The following ANKRD10 variants were observed in gnomAD, a reference collection of about 807,000 sequenced individuals.
The protein encoded by ANKRD10 is ankyrin repeat domain 10.
Under a neutral mutation model 27.0 loss-of-function variants are expected in ANKRD10, and 14 were observed. The ratio of observed to expected loss-of-function variants is 0.52; its 90% confidence interval spans 0.34 to 0.81. The LOEUF (loss-of-function observed/expected upper bound fraction) is 0.81, where lower values mean the gene tolerates loss of function less well. Ranked by LOEUF, ANKRD10 falls within the 40% of genes least tolerant of loss-of-function variation. ANKRD10 has a pLI of 0.01. For missense variants in ANKRD10, 493 were observed against 544.0 expected (o/e 0.91, Z 0.93); for synonymous variants, 250 against 224.5 (o/e 1.11, Z -1.01).
In ANKRD10 at chr13:110,880,128, C is replaced by T. The variant is rs372094765; in HGVS notation, c.788-16G>A. 2.1e-5 allele frequency: 33 copies of T among 1,593,894 alleles called. No homozygotes were observed. In the African/African-American group the frequency reaches 3.9e-4, roughly 19 times the overall value. ...TTTTTCATATCTGCATTAAGAAATA[C>T]ACCTGTCACCAAAATTCAGAACCAA... is the stretch of plus-strand genomic sequence containing the variant. On this transcript the variant is annotated splice_polypyrimidine_tract_variant and intron_variant, in intron 5 of 5. Transcript: ENST00000267339.
chr13:110,908,707 C>A (rs2065606832), intron 2 of ANKRD10, among the ~76,000 whole-genome samples: 1 of 152,170 alleles, frequency 6.6e-6, no homozygotes, highest in African/African-American at 2.4e-5. Flanking sequence ...ATTGTGTCCT[C>A]TAGAGTCACT....
chr13:110,893,468 AAACT>A (rs1415681525), intron 3 of ANKRD10, among the ~76,000 whole-genome samples: 1 of 152,228 alleles, frequency 6.6e-6, no homozygotes, highest in Non-Finnish European at 1.5e-5. Context: ...TTTGGGAGAT[AAACT>A]AAATATGCTA....
At chr13:110,907,978 A>G (rs2138884308) in intron 2 of ANKRD10, among the ~76,000 whole-genome samples, 1 of 152,312 alleles carries the variant, frequency 6.6e-6, no homozygotes, top group Admixed American at 6.5e-5. Flanking sequence ...AAGCAAAACT[A>G]CCAAGCTCTG....
chr13:110,914,586 C>T, intron 1 of ANKRD10, 139 bp downstream of exon 1: 4 of 1,316,488 alleles, frequency 3.0e-6, no homozygotes, highest in Admixed American at 3.1e-5. Flanking sequence ...GCCCTAGGCC[C>T]CTCGGGGCAC....
In ANKRD10 at chr13:110,879,902, T is replaced by TCGAG; in HGVS notation, c.997_998insCTCG (p.Glu333AlafsTer10). On this transcript the variant is annotated frameshift_variant, in exon 6 of 6. Transcript: ENST00000267339. LOFTEE classifies it low-confidence loss of function (END_TRUNC). The stretch of plus-strand genomic sequence containing the variant: ...GTTAGCTCTCAGGGTCTTCTCTGGC[T>TCGAG]CCTCAGTCCCACTAATGCAGAGAGA... 1 of 1,614,250 alleles carries TCGAG rather than the reference T, an allele frequency of 6.2e-7. No individual in the cohort carries two copies. The highest frequency in any genetic ancestry group is 8.5e-7 in the Non-Finnish European group (1 of 1,180,052).
chr13:110,892,873 T>C, intron 4 of ANKRD10, 155 bp downstream of exon 4: 1 of 1,436,908 alleles, frequency 7.0e-7, no homozygotes, highest in Admixed American at 2.8e-5. Context: ...GCAGTGGCAG[T>C]ACAGGAGAAA....
At chr13:110,899,209 T>A (rs2065316020) in intron 3 of ANKRD10, 1 of 152,252 alleles carries the variant, frequency 6.6e-6, no homozygotes, top group South Asian at 2.1e-4. Flanking sequence ...TTACACACTA[T>A]TCCAAAGGGA....
chr13:110,902,049 G>GGAAA (rs1198192826), intron 3 of ANKRD10, among the ~76,000 whole-genome samples: 1 of 115,418 alleles, frequency 8.7e-6, no homozygotes, highest in Non-Finnish European at 1.7e-5. Context: ...TCTCTTTTTA[G>GGAAA]AAAAAAAAAA....
chr13:110,892,311 TCC>T (rs1351314041), intron 4 of ANKRD10, among the ~76,000 whole-genome samples: 2 of 146,798 alleles, frequency 1.4e-5, no homozygotes, highest in Admixed American at 7.1e-5. Flanking sequence ...GCACCTGTAA[TCC>T]CAGCTACTTG....
At chr13:110,890,454 AT>A (rs2065044893) in intron 4 of ANKRD10, among the ~76,000 whole-genome samples, 1 of 152,246 alleles carries the variant, frequency 6.6e-6, no homozygotes, top group African/African-American at 2.4e-5. Context: ...ACACAAAAAA[AT>A]ATAAACACAC....
At chr13:110,890,589 C>G (rs2065048703) in intron 4 of ANKRD10, among the ~76,000 whole-genome samples, 1 of 152,218 alleles carries the variant, frequency 6.6e-6, no homozygotes, top group Non-Finnish European at 1.5e-5. Context: ...GGATGAGCAG[C>G]TTTGAAGTAA....
At chr13:110,891,211 G>A (rs1319774840) in intron 4 of ANKRD10, among the ~76,000 whole-genome samples, 1 of 152,140 alleles carries the variant, frequency 6.6e-6, no homozygotes, top group African/African-American at 2.4e-5. Context: ...TCGTGCATGA[G>A]GGCATGAGGC....
chr13:110,913,324 G>C (rs191515531), intron 1 of ANKRD10, among the ~76,000 whole-genome samples: 4 of 152,168 alleles, frequency 2.6e-5, no homozygotes, highest in Non-Finnish European at 5.9e-5. Context: ...TGACTGCCTC[G>C]GGAAATCTAT....
chr13:110,886,510 T>G (rs1168858014), intron 4 of ANKRD10, among the ~76,000 whole-genome samples: 1 of 152,252 alleles, frequency 6.6e-6, no homozygotes, highest in Non-Finnish European at 1.5e-5. Flanking sequence ...GAGTGCCACC[T>G]TCTTCATTCC....
chr13:110,880,022 C>T lies in ANKRD10; in HGVS notation c.878G>A (p.Ser293Asn), dbSNP rs778655285. The T allele has an allele frequency of 9.9e-6, 16 of 1,614,230 alleles. No homozygotes were observed. The highest frequency in any genetic ancestry group is 3.3e-5 in the Admixed American group (2 of 60,036). Residue 293 changes from serine (S) to asparagine (N), a missense_variant, in exon 6 of 6, where the codon AGT becomes AAT. Ser to Asn is a conservative substitution (Grantham distance 46). Coordinates refer to ENST00000267339, the MANE Select transcript of ANKRD10 (RefSeq NM_017664.4). ...HLDFPSTTPL[S>N]GMESRNGQCL... ...CTGGCCATTCCTGCTTTCCATCCCA[C>T]TGAGCGGGGTCGTGGAGGGGAAGTC...
intron 2 of ANKRD10, among the ~76,000 whole-genome samples, 200 bp from the exon 3 acceptor site, chr13:110,906,324 G>T (rs1316704704): frequency 1.3e-5 from 2 of 152,084 alleles, no homozygotes; most frequent in African/African-American, 4.8e-5. Context: ...AAGATATTTG[G>T]TCGTTGACCA....
chr13:110,907,597 T>G (rs922700260), intron 2 of ANKRD10, among the ~76,000 whole-genome samples: 10 of 152,088 alleles, frequency 6.6e-5, no homozygotes, highest in Non-Finnish European at 1.2e-4. Flanking sequence ...GTGTGCACAT[T>G]TATTTAAACA....
At chr13:110,897,310 TTTA>T (rs1294257308) in intron 3 of ANKRD10, among the ~76,000 whole-genome samples, 4 of 150,166 alleles carry the variant, frequency 2.7e-5, no homozygotes, top group African/African-American at 9.8e-5. Context: ...TTTTTTTTTT[TTTA>T]ATTTTGAGAG....
chr13:110,888,054 T>G (rs1203055335), intron 4 of ANKRD10, among the ~76,000 whole-genome samples: 2 of 152,134 alleles, frequency 1.3e-5, no homozygotes, highest in Non-Finnish European at 2.9e-5. Flanking sequence ...TGAGGTGACC[T>G]TTCGCGGGAC....
Sources: allele counts gnomAD v4.1 joint callset (sites outside exome capture counted in the v4.1 genomes callset), GRCh38; gene constraint gnomAD v4.1.1; transcripts MANE v1.5; gene names NCBI Gene and HGNC (gene_info 2026-07-23, HGNC 2026-07-21).